The following ADCY2 variants were observed in gnomAD, a reference collection of about 807,000 sequenced individuals.
The protein encoded by ADCY2 is adenylate cyclase 2.
In ADCY2, 31 loss-of-function variants were observed where a neutral mutation model predicts 125.2. That is an observed-to-expected ratio of 0.25 (90% confidence interval 0.19 to 0.33). The LOEUF (loss-of-function observed/expected upper bound fraction) is 0.33. ADCY2 is among the 10% of genes least tolerant of loss of function. ADCY2 has a pLI of 1.00. For missense variants in ADCY2, 904 were observed against 1,418.2 expected (o/e 0.64, Z 5.82); for synonymous variants, 512 against 548.4 (o/e 0.93, Z 0.93).
At chr5:7,450,760 A>G (rs548362062) in intron 2 of ADCY2, among the ~76,000 whole-genome samples, 1 of 152,308 alleles carries the variant, frequency 6.6e-6, no homozygotes, top group South Asian at 2.1e-4. Flanking sequence ...TGGTAACTTT[A>G]AGTTGAAGCC....
intron 2 of ADCY2, among the ~76,000 whole-genome samples, chr5:7,489,490 G>A (rs1317637746): frequency 6.6e-6 from 1 of 152,096 alleles, no homozygotes; most frequent in Non-Finnish European, 1.5e-5. Context: ...TCACATCCCT[G>A]TGCCTGGCTA....
chr5:7,643,331 T>C (rs1738778339), intron 4 of ADCY2, among the ~76,000 whole-genome samples: 1 of 152,120 alleles, frequency 6.6e-6, no homozygotes, highest in Non-Finnish European at 1.5e-5. Context: ...GACGTACATT[T>C]ATCTTGTATC....
intron 3 of ADCY2, among the ~76,000 whole-genome samples, chr5:7,542,347 G>A (rs976932264): frequency 2.7e-5 from 4 of 148,536 alleles, no homozygotes; most frequent in Non-Finnish European, 5.9e-5. Flanking sequence ...AAGAAAGACA[G>A]GTAAAATATT....
intron 2 of ADCY2, among the ~76,000 whole-genome samples, chr5:7,518,727 C>T (rs570332785): frequency 9.9e-5 from 15 of 152,112 alleles, no homozygotes; most frequent in Non-Finnish European, 1.8e-4. Flanking sequence ...GTGGGTTTCT[C>T]CTGGCTGTTG....
intron 4 of ADCY2, among the ~76,000 whole-genome samples, chr5:7,690,278 T>G (rs984401843): frequency 3.3e-5 from 5 of 152,210 alleles, no homozygotes; most frequent in African/African-American, 7.2e-5. Context: ...CTGTCTTTCT[T>G]AAGTGCAATA....
intron 2 of ADCY2, among the ~76,000 whole-genome samples, chr5:7,474,832 T>C (rs914529309): frequency 2.0e-5 from 3 of 152,148 alleles, no homozygotes; most frequent in African/African-American, 7.2e-5. Context: ...GGTGGGGTGG[T>C]TGGAAAGTGT....
At chr5:7,775,921 T>C (rs1245281042) in intron 18 of ADCY2, among the ~76,000 whole-genome samples, 2 of 152,108 alleles carry the variant, frequency 1.3e-5, no homozygotes, top group African/African-American at 4.8e-5. Flanking sequence ...TCAAAATCAA[T>C]GAATATTCTA....
chr5:7,507,394 T>TCGCG (rs1313810103), intron 2 of ADCY2, among the ~76,000 whole-genome samples: 155 of 112,970 alleles, frequency 1.4e-3, no homozygotes, highest in African/African-American at 5.6e-3. Flanking sequence ...TGAGCCGAGA[T>TCGCG]CATACCACTG....
chr5:7,629,116 T>A lies in ADCY2; in HGVS notation c.720+2800T>A, dbSNP rs1406018218. Among the ~76,000 whole-genome samples the A allele has an allele frequency of 2.6e-5, 4 of 152,236 alleles. No homozygotes were observed. The East Asian group carries it at 7.7e-4, about 29-fold the overall frequency. On this transcript the variant is annotated intron_variant, in intron 4 of 24. Transcript: ENST00000338316. ...TTGACCAGCCAGAAAACAGTTTCAG[T>A]CATTGTTTAGATAAATAAATAGCAT...
At chr5:7,511,054 C>A (rs1220059551) in intron 2 of ADCY2, among the ~76,000 whole-genome samples, 2 of 152,116 alleles carry the variant, frequency 1.3e-5, no homozygotes, top group Admixed American at 6.6e-5. Flanking sequence ...CTACTCATAA[C>A]CTTCAAGTGT....
rs1396103862 is a variant in ADCY2, at chr5:7,709,597, T to G, written c.1578+210T>G. Among the ~76,000 whole-genome samples, 1 of 152,254 alleles carries G rather than the reference T, an allele frequency of 6.6e-6. No homozygotes were observed. The highest frequency in any genetic ancestry group is 6.5e-5 in the Admixed American group (1 of 15,292). On this transcript the variant is annotated intron_variant, in intron 10 of 24. Coordinates refer to ENST00000338316, the MANE Select transcript of ADCY2 (RefSeq NM_020546.3). This position sits in a 1 kb window ranked among gnomAD's most constrained non-coding sequence, Gnocchi z 4.4. ...TAAGGGTTCCACCCTAGCGTGATTTTGCATTATAGCTTCATAACCCAAGAC... is the reference window on the plus strand; with the variant it reads ...TAAGGGTTCCACCCTAGCGTGATTTGGCATTATAGCTTCATAACCCAAGAC...
intron 23 of ADCY2, 57 bp downstream of exon 23, chr5:7,817,037 G>C: frequency 3.0e-6 from 4 of 1,333,604 alleles, no homozygotes; most frequent in Non-Finnish European, 4.3e-6. Flanking sequence ...GGAATAAGGA[G>C]TAAGTCAGGA....
chr5:7,777,623 T>G (rs909244434), intron 18 of ADCY2, among the ~76,000 whole-genome samples: 1 of 152,226 alleles, frequency 6.6e-6, no homozygotes, highest in South Asian at 2.1e-4. Flanking sequence ...GCCATCTTCC[T>G]CTGTACTTTG....
At chr5:7,448,747 C>A (rs911025538) in intron 2 of ADCY2, among the ~76,000 whole-genome samples, 2 of 152,090 alleles carry the variant, frequency 1.3e-5, no homozygotes, top group East Asian at 3.9e-4. Flanking sequence ...TTTTCTGTTC[C>A]CGAGTTTGCT....
At chr5:7,659,621 C>A (rs1433666729) in intron 4 of ADCY2, among the ~76,000 whole-genome samples, 1 of 152,142 alleles carries the variant, frequency 6.6e-6, no homozygotes, top group Non-Finnish European at 1.5e-5. Flanking sequence ...ACTTGTGGGA[C>A]CAGGAAATTG....
chr5:7,697,633 T>G (rs1740937465), intron 6 of ADCY2, among the ~76,000 whole-genome samples: 1 of 152,118 alleles, frequency 6.6e-6, no homozygotes, highest in Admixed American at 6.5e-5. Flanking sequence ...AATACAAAAT[T>G]TAGCCCAGAA....
Position 7,726,112 on chromosome 5 carries a change from A to G in ADCY2, c.1774-1052A>G, listed in dbSNP as rs139466074. Among the ~76,000 whole-genome samples the G allele has an allele frequency of 4.8e-3, 731 of 152,330 alleles. 5 individuals carry two copies. The highest frequency in any genetic ancestry group is 0.017 in the African/African-American group (705 of 41,570). ...AGAGAGGCTAAAATCCCAGAAATAC[A>G]TATGTGTCCCTATAACTTGGGAAAG... is the stretch of plus-strand genomic sequence containing the variant. On this transcript the variant is annotated intron_variant, in intron 13 of 24. Coordinates refer to ENST00000338316, the MANE Select transcript of ADCY2 (RefSeq NM_020546.3).
intron 3 of ADCY2, among the ~76,000 whole-genome samples, chr5:7,530,957 C>T (rs1457367470): frequency 6.6e-6 from 1 of 152,118 alleles, no homozygotes; most frequent in African/African-American, 2.4e-5. Context: ...TCCCATAGGA[C>T]CCCATACATG....
chr5:7,606,895 C>T (rs1192546368), intron 3 of ADCY2, among the ~76,000 whole-genome samples: 14 of 152,118 alleles, frequency 9.2e-5, no homozygotes, highest in African/African-American at 3.4e-4. Flanking sequence ...AGAGTATAAT[C>T]TTTGATGTCA....
Sources: gnomAD v4.1 joint callset for allele counts (sites outside exome capture counted in the v4.1 genomes callset) on GRCh38, gnomAD v4.1.1 for gene constraint, Gnocchi (gnomAD v3.1) non-coding constraint, MANE v1.5 for transcripts, NCBI Gene and HGNC (gene_info 2026-07-23, HGNC 2026-07-21) for gene names.